SOS2: variants seen among roughly 807,000 people sequenced by gnomAD.
SOS2 encodes the protein son of sevenless homolog 2.
A neutral mutation model predicts 148.2 loss-of-function variants in SOS2; 65 were observed. The observed-to-expected ratio is 0.44, with a 90% CI of 0.36 to 0.54. SOS2 has a LOEUF of 0.54. Ranked by LOEUF, SOS2 falls within the 20% of genes least tolerant of loss-of-function variation. The probability of loss-of-function intolerance (pLI) is 0.00; values close to 1 mark genes in which losing one functional copy is unlikely to be tolerated. For missense variants in SOS2, 1,341 were observed against 1,590.2 expected (o/e 0.84, Z 2.67); for synonymous variants, 539 against 537.1 (o/e 1.00, Z -0.05).
At chr14:50,130,361 A>G (rs986877372) in intron 20 of SOS2, 140 bp downstream of exon 20, 1 of 699,728 alleles carries the variant, frequency 1.4e-6, no homozygotes, top group Non-Finnish European at 2.4e-6. Flanking sequence ...TCTTGTATTA[A>G]TCATTATTTT....
At chr14:50,143,588 C>G (rs563311396) in intron 16 of SOS2, among the ~76,000 whole-genome samples, 1 of 152,188 alleles carries the variant, frequency 6.6e-6, no homozygotes, top group African/African-American at 2.4e-5. Context: ...CAAACCAGCA[C>G]ATACCACCAT....
intron 5 of SOS2, among the ~76,000 whole-genome samples, chr14:50,186,526 A>G (rs1274318100): frequency 6.6e-6 from 1 of 152,114 alleles, no homozygotes; most frequent in Non-Finnish European, 1.5e-5. Flanking sequence ...TCAAGCCTGT[A>G]ATCTTAGCAC....
intron 7 of SOS2, among the ~76,000 whole-genome samples, chr14:50,179,989 CTTTATTT>C (rs1329452202): frequency 6.6e-6 from 1 of 151,658 alleles, no homozygotes; most frequent in African/African-American, 2.4e-5. Context: ...CCAGATTCAT[CTTTATTT>C]TTTATTTATT....
chr14:50,191,727 A>G (rs1274474956), intron 4 of SOS2, among the ~76,000 whole-genome samples: 2 of 152,176 alleles, frequency 1.3e-5, no homozygotes, highest in African/African-American at 4.8e-5. Context: ...ACATGCACCT[A>G]AAGAGGAAGT....
chr14:50,187,840 TTAAAC>T (rs1179347630), intron 5 of SOS2, among the ~76,000 whole-genome samples: 3 of 152,218 alleles, frequency 2.0e-5, no homozygotes, highest in Non-Finnish European at 4.4e-5. Flanking sequence ...AACTAAAACT[TTAAAC>T]TACTGCCTTA....
chr14:50,200,007 T>C (rs1886434993), intron 3 of SOS2, 152 bp from the exon 4 acceptor site: 2 of 517,142 alleles, frequency 3.9e-6, no homozygotes, highest in Non-Finnish European at 6.7e-6. Flanking sequence ...AAATGAATCT[T>C]TGGTCCCTGT....
At chr14:50,209,274 C>CGTGT (rs140994310) in intron 1 of SOS2, among the ~76,000 whole-genome samples, 3,562 of 118,314 alleles carry the variant, frequency 0.03, 128 homozygotes, top group Non-Finnish European at 0.043. Context: ...CCTTAAATGT[C>CGTGT]GTGTGTGTGT....
upstream of SOS2, chr14:50,231,590 TC>T (rs1397016973): frequency 6.6e-6 from 1 of 152,512 alleles, no homozygotes; most frequent in African/African-American, 2.4e-5. Context: ...GGGCGGCTCC[TC>T]CTCCTTTGTC....
intron 1 of SOS2, among the ~76,000 whole-genome samples, chr14:50,208,626 G>A (rs1228785746): frequency 6.6e-6 from 1 of 152,036 alleles, no homozygotes; most frequent in Non-Finnish European, 1.5e-5. Context: ...CAGCCTGAGC[G>A]ACAGAGCAAG....
chr14:50,181,725 T>C (rs1595000833), intron 6 of SOS2, among the ~76,000 whole-genome samples: 1 of 152,234 alleles, frequency 6.6e-6, no homozygotes, highest in Admixed American at 6.5e-5. Flanking sequence ...TACATTCGTA[T>C]GTATGCACAG....
intron 21 of SOS2, among the ~76,000 whole-genome samples, chr14:50,125,798 C>T (rs988553457): frequency 2.0e-5 from 3 of 152,204 alleles, no homozygotes; most frequent in African/African-American, 7.2e-5. Flanking sequence ...GCAATGACCT[C>T]ATTCCCACCT....
intron 16 of SOS2, among the ~76,000 whole-genome samples, chr14:50,140,973 G>A (rs1241788355): frequency 6.6e-6 from 1 of 151,972 alleles, no homozygotes; most frequent in Non-Finnish European, 1.5e-5. Flanking sequence ...GGGAGGCTGA[G>A]GCGGGCGGAT....
intron 16 of SOS2, among the ~76,000 whole-genome samples, chr14:50,142,169 G>A (rs1884318397): frequency 6.6e-6 from 1 of 151,832 alleles, no homozygotes; most frequent in African/African-American, 2.4e-5. Flanking sequence ...CAGCATGCCT[G>A]GGTAATTTTT....
At chr14:50,163,065 C>T (rs1303508746) in intron 8 of SOS2, among the ~76,000 whole-genome samples, 2 of 150,828 alleles carry the variant, frequency 1.3e-5, no homozygotes, top group African/African-American at 2.4e-5. Flanking sequence ...CCATGCTTGG[C>T]TAATTTTTTT....
At position 50,118,488 on chromosome 14, in the gene SOS2, A is replaced by G; in HGVS notation, c.3855T>C (p.Ala1285=). ...YVLSSSQNNL[A]HPPAPPVPPR... ...GTGGAACAGGGGGAGCTGGAGGATG[A>G]GCAAGATTATTCTGACTAGAACTGA... Residue 1285 remains alanine (A), a synonymous_variant, in exon 23 of 23, where the codon GCT becomes GCC. Coordinates refer to ENST00000216373, the MANE Select transcript of SOS2 (RefSeq NM_006939.4). 1 of 1,614,152 alleles carries G rather than the reference A, an allele frequency of 6.2e-7. No individual in the cohort carries two copies. The highest frequency in any genetic ancestry group is 8.5e-7 in the Non-Finnish European group (1 of 1,180,028).
At chr14:50,178,246 G>A (rs1215434954) in intron 7 of SOS2, among the ~76,000 whole-genome samples, 4 of 152,122 alleles carry the variant, frequency 2.6e-5, no homozygotes, top group African/African-American at 9.7e-5. Flanking sequence ...TGCTGTTCTT[G>A]TAATAGAGTT....
intron 14 of SOS2, among the ~76,000 whole-genome samples, chr14:50,149,056 G>A (rs983823504): frequency 6.6e-6 from 1 of 152,164 alleles, no homozygotes; most frequent in Non-Finnish European, 1.5e-5. Flanking sequence ...GAGCCACCAT[G>A]CCTGGCTATT....
chr14:50,162,897 A>AT (rs112053842), intron 8 of SOS2, among the ~76,000 whole-genome samples: 3,979 of 88,366 alleles, frequency 0.045, 200 homozygotes, highest in African/African-American at 0.11. Context: ...CAATGTTTTG[A>AT]TTTTTTTTTT....
chr14:50,176,087 A>G (rs1885514154), intron 7 of SOS2, among the ~76,000 whole-genome samples: 1 of 152,238 alleles, frequency 6.6e-6, no homozygotes, highest in South Asian at 2.1e-4. Context: ...ATATGAGGGC[A>G]GAGCCCCTGT....
Sources: allele counts gnomAD v4.1 joint callset (sites outside exome capture counted in the v4.1 genomes callset), GRCh38; gene constraint gnomAD v4.1.1; transcripts MANE v1.5; gene names NCBI Gene and HGNC (gene_info 2026-07-23, HGNC 2026-07-21).